Variants in DSCAML1 observed in about 807,000 individuals in gnomAD.
DSCAML1 encodes the protein DS cell adhesion molecule like 1, also known as cell adhesion molecule DSCAML1.
In DSCAML1, 38 loss-of-function variants were observed where a neutral mutation model predicts 200.5. That is an observed-to-expected ratio of 0.19 (90% CI 0.15 to 0.25). DSCAML1 has a LOEUF of 0.25. Among genes scored for constraint, DSCAML1 ranks in the 10% least tolerant of loss-of-function variants. The probability of loss-of-function intolerance (pLI) is 1.00; values close to 1 mark genes in which losing one functional copy is unlikely to be tolerated. For synonymous variants in DSCAML1, 1,215 were observed against 1,165.0 expected (o/e 1.04, Z -0.87); for missense variants, 2,223 against 2,858.8 (o/e 0.78, Z 5.07).
At chr11:117,753,544 A>G (rs1468443434) in intron 3 of DSCAML1, among the ~76,000 whole-genome samples, 1 of 152,250 alleles carries the variant, frequency 6.6e-6, no homozygotes, top group East Asian at 1.9e-4. Context: ...GTGTCTGAGC[A>G]GGGATAGCAA....
At chr11:117,458,971 C>A in intron 18 of DSCAML1, 62 bp from the exon 19 acceptor site, 2 of 1,576,542 alleles carry the variant, frequency 1.3e-6, no homozygotes, top group Non-Finnish European at 1.7e-6. Context: ...CTGCTGCTAC[C>A]CCTGCTGCCT....
chr11:117,781,237 G>C (rs1429617305), intron 1 of DSCAML1, among the ~76,000 whole-genome samples: 1 of 148,918 alleles, frequency 6.7e-6, no homozygotes, highest in Non-Finnish European at 1.5e-5. Context: ...GTTGCAGTGA[G>C]CAGAGATCAT....
intron 3 of DSCAML1, among the ~76,000 whole-genome samples, chr11:117,741,283 G>T (rs2137840849): frequency 6.6e-6 from 1 of 152,254 alleles, no homozygotes; most frequent in South Asian, 2.1e-4. Flanking sequence ...GCCATGCCTG[G>T]GTCTGGTCTA....
intron 14 of DSCAML1, among the ~76,000 whole-genome samples, chr11:117,477,349 A>AGTGTGTGTGTGTGTGTGTGTGTGTGTGT: frequency 7.1e-6 from 1 of 140,098 alleles, no homozygotes; most frequent in Non-Finnish European, 1.5e-5. Context: ...TGGTTCTGAA[A>AGTGTGTGTGTGTGTGTGTGTGTGTGTGT]GTGTGTGTGT....
chr11:117,509,895 C>T (rs1400255535), intron 8 of DSCAML1, among the ~76,000 whole-genome samples: 2 of 152,188 alleles, frequency 1.3e-5, no homozygotes, highest in African/African-American at 2.4e-5. Context: ...GATCTGCCCC[C>T]GAGTCCCAGC....
chr11:117,665,734 G>C (rs1404485791), intron 3 of DSCAML1, among the ~76,000 whole-genome samples: 17 of 152,162 alleles, frequency 1.1e-4, no homozygotes, highest in African/African-American at 4.1e-4. Flanking sequence ...TGGTACCTGA[G>C]CCCATAATCC....
At chr11:117,521,532 C>CAAGGGGTCTGGAGG in intron 5 of DSCAML1, 127 bp from the exon 6 acceptor site, 1 of 954,928 alleles carries the variant, frequency 1.0e-6, no homozygotes, top group Non-Finnish European at 1.5e-6. Context: ...TGCCTCCAGA[C>CAAGGGGTCTGGAGG]CCCTTGTGTG....
chr11:117,577,553 TC>T (rs2050968602), intron 3 of DSCAML1, among the ~76,000 whole-genome samples: 1 of 116,958 alleles, frequency 8.6e-6, no homozygotes, highest in African/African-American at 3.4e-5. Context: ...CTTCCCTCCC[TC>T]CCTCCTTCCT....
chr11:117,591,471 A>T (rs2051258181), intron 3 of DSCAML1, among the ~76,000 whole-genome samples: 1 of 152,218 alleles, frequency 6.6e-6, no homozygotes, highest in Admixed American at 6.5e-5. Flanking sequence ...AGCTACTGTC[A>T]CAATGCATTT....
At chr11:117,507,174 A>G (rs1264800982) in intron 8 of DSCAML1, among the ~76,000 whole-genome samples, 1 of 149,986 alleles carries the variant, frequency 6.7e-6, no homozygotes, top group African/African-American at 2.4e-5. Flanking sequence ...AGAGAAGGAG[A>G]TAGACAATTA....
intron 11 of DSCAML1, among the ~76,000 whole-genome samples, chr11:117,492,634 TAAC>T (rs1258209481): frequency 6.6e-6 from 1 of 152,204 alleles, no homozygotes; most frequent in Non-Finnish European, 1.5e-5. Context: ...TGCTCCTTGT[TAAC>T]AAGTTCCCGA....
intron 1 of DSCAML1, among the ~76,000 whole-genome samples, chr11:117,795,029 T>C (rs1229398172): frequency 6.6e-6 from 1 of 152,194 alleles, no homozygotes. Flanking sequence ...CCCTTGGCTG[T>C]CCTGTTGCCT....
intron 3 of DSCAML1, among the ~76,000 whole-genome samples, chr11:117,635,238 G>C (rs2052254467): frequency 1.3e-5 from 2 of 152,186 alleles, no homozygotes; most frequent in Non-Finnish European, 2.9e-5. Context: ...AGTGGGAGGA[G>C]GAGCGGATGG....
Position 117,525,583 on chromosome 11 carries a change from C to A in DSCAML1, c.659-500G>T, listed in dbSNP as rs574314418. 2.6e-5 allele frequency among the ~76,000 whole-genome samples: 4 copies of A among 152,158 alleles called. No homozygotes were observed. In the East Asian group the frequency reaches 5.8e-4, roughly 22 times the overall value. On this transcript the variant is annotated intron_variant, in intron 4 of 32. Transcript: ENST00000651296. ...CAAGCAATTCTCCTGTCTCAGCCTC[C>A]CAAGTAGCTGGGCCTACAGGCACGC...
intron 3 of DSCAML1, among the ~76,000 whole-genome samples, chr11:117,751,593 G>A (rs925114879): frequency 3.9e-5 from 6 of 152,134 alleles, no homozygotes; most frequent in Non-Finnish European, 5.9e-5. Context: ...AGCCTTGGGC[G>A]AGCAGAGGAA....
At chr11:117,494,924 G>T (rs752813963) in intron 11 of DSCAML1, among the ~76,000 whole-genome samples, 4 of 152,248 alleles carry the variant, frequency 2.6e-5, no homozygotes, top group Admixed American at 6.5e-5. Flanking sequence ...CCTTTCAAGC[G>T]CACATGGGCC....
intron 3 of DSCAML1, among the ~76,000 whole-genome samples, chr11:117,565,015 C>T (rs2050731485): frequency 6.6e-6 from 1 of 152,252 alleles, no homozygotes; most frequent in South Asian, 2.1e-4. Flanking sequence ...ATCTGCCCAC[C>T]TCGGCCTCCC....
At chr11:117,757,573 T>TACACACACACAC (rs5795104) in intron 3 of DSCAML1, among the ~76,000 whole-genome samples, 66 of 146,904 alleles carry the variant, frequency 4.5e-4, no homozygotes, top group Non-Finnish European at 8.1e-4. Context: ...TAGGAGCCTA[T>TACACACACACAC]ACACACACAC....
At chr11:117,561,274 C>T (rs147550186) in intron 3 of DSCAML1, among the ~76,000 whole-genome samples, 2 of 152,218 alleles carry the variant, frequency 1.3e-5, no homozygotes, top group African/African-American at 4.8e-5. Flanking sequence ...GAGCACTGGA[C>T]AATGAGTCTG....
Sources: allele counts gnomAD v4.1 joint callset (sites outside exome capture counted in the v4.1 genomes callset), GRCh38; gene constraint gnomAD v4.1.1; transcripts MANE v1.5; gene names NCBI Gene and HGNC (gene_info 2026-07-23, HGNC 2026-07-21).